Variants in PID1 observed in about 807,000 individuals in gnomAD.
PID1 encodes phosphotyrosine interaction domain containing 1, also known as PTB-containing, cubilin and LRP1-interacting protein.
In PID1, 10 loss-of-function variants were observed where a neutral mutation model predicts 19.1. That is an observed-to-expected ratio of 0.52 (90% CI 0.32 to 0.89). The LOEUF is 0.89. PID1 is among the 40% of genes least tolerant of loss of function. PID1 has a pLI of 0.03. For missense variants in PID1, 248 were observed against 285.3 expected (o/e 0.87, Z 0.94); for synonymous variants, 130 against 116.0 (o/e 1.12, Z -0.78).
At chr2:229,034,356 A>T (rs1266417077) in intron 2 of PID1, among the ~76,000 whole-genome samples, 1 of 152,206 alleles carries the variant, frequency 6.6e-6, no homozygotes, top group African/African-American at 2.4e-5. Flanking sequence ...ATTAATCCTC[A>T]TAATAATTCC....
intron 1 of PID1, among the ~76,000 whole-genome samples, chr2:229,199,810 CA>C (rs1402189995): frequency 1.3e-4 from 20 of 149,766 alleles, no homozygotes; most frequent in African/African-American, 4.7e-4. Context: ...CAATCTATCC[CA>C]ACAGTTTTCA....
intron 2 of PID1, among the ~76,000 whole-genome samples, chr2:229,030,006 C>T (rs932181808): frequency 2.0e-5 from 3 of 151,818 alleles, no homozygotes; most frequent in East Asian, 1.9e-4. Context: ...TCCAAGTGTC[C>T]GTTGATAGAT....
intron 2 of PID1, among the ~76,000 whole-genome samples, chr2:229,152,721 G>A (rs1332829711): frequency 6.6e-6 from 1 of 151,590 alleles, no homozygotes; most frequent in Non-Finnish European, 1.5e-5. Flanking sequence ...CCCGAAACAT[G>A]AATAGCCTAG....
At chr2:229,200,839 C>CATCCT (rs1691483965) in intron 1 of PID1, among the ~76,000 whole-genome samples, 1 of 152,062 alleles carries the variant, frequency 6.6e-6, no homozygotes, top group Non-Finnish European at 1.5e-5. Context: ...GTCAAATGAG[C>CATCCT]AGGTCACAAA....
intron 1 of PID1, among the ~76,000 whole-genome samples, chr2:229,239,684 C>T (rs922755803): frequency 2.6e-5 from 4 of 152,048 alleles, no homozygotes; most frequent in Non-Finnish European, 5.9e-5. Context: ...TTCAGAGCAG[C>T]GATGAAATTT....
chr2:229,133,641 C>T (rs1689790397), intron 2 of PID1, among the ~76,000 whole-genome samples: 1 of 152,134 alleles, frequency 6.6e-6, no homozygotes, highest in Non-Finnish European at 1.5e-5. Flanking sequence ...TCTTCATGCC[C>T]AATATCGACA....
At chr2:229,090,674 T>C (rs1171984564) in intron 2 of PID1, among the ~76,000 whole-genome samples, 2 of 152,244 alleles carry the variant, frequency 1.3e-5, no homozygotes, top group Non-Finnish European at 2.9e-5. Flanking sequence ...CCTAGTTGAT[T>C]CATGAATGCT....
At chr2:229,228,017 G>A (rs1041798588) in intron 1 of PID1, 4 of 455,784 alleles carry the variant, frequency 8.8e-6, no homozygotes, top group Non-Finnish European at 1.8e-5. Context: ...GATTCCCCAG[G>A]GATACTGAGG....
intron 2 of PID1, among the ~76,000 whole-genome samples, chr2:229,036,874 G>C (rs1693675374): frequency 6.6e-6 from 1 of 152,222 alleles, no homozygotes; most frequent in Non-Finnish European, 1.5e-5. Flanking sequence ...TCTGCCTAAT[G>C]TCTGCTTAGC....
At chr2:229,227,110 A>G (rs938584379) in intron 1 of PID1, among the ~76,000 whole-genome samples, 1 of 152,220 alleles carries the variant, frequency 6.6e-6, no homozygotes, top group Non-Finnish European at 1.5e-5. Flanking sequence ...TGATATTTTG[A>G]TTTTTTAATG....
chr2:229,056,347 G>A (rs1159157465), intron 2 of PID1, among the ~76,000 whole-genome samples: 1 of 152,074 alleles, frequency 6.6e-6, no homozygotes, highest in Non-Finnish European at 1.5e-5. Context: ...TTGTTATGCA[G>A]CAATATTGTG....
intron 1 of PID1, among the ~76,000 whole-genome samples, chr2:229,269,999 G>A (rs1237908699): frequency 6.6e-6 from 1 of 152,186 alleles, no homozygotes; most frequent in African/African-American, 2.4e-5. Flanking sequence ...CTGCATCTGA[G>A]AAACTGTGCT....
At chr2:229,088,715 A>G (rs1574619185) in intron 2 of PID1, among the ~76,000 whole-genome samples, 1 of 152,032 alleles carries the variant, frequency 6.6e-6, no homozygotes, top group Admixed American at 6.6e-5. Flanking sequence ...GTTGTGTCTC[A>G]TTGTCATAAA....
intron 2 of PID1, among the ~76,000 whole-genome samples, chr2:229,074,405 G>C (rs1218763017): frequency 6.6e-6 from 1 of 152,038 alleles, no homozygotes; most frequent in Admixed American, 6.6e-5. Flanking sequence ...ATGAGGAAAA[G>C]GGAAGAAGAG....
chr2:229,150,002 C>G (rs1690215849), intron 2 of PID1, among the ~76,000 whole-genome samples: 1 of 152,024 alleles, frequency 6.6e-6, no homozygotes, highest in African/African-American at 2.4e-5. Flanking sequence ...CTTTGGGAGG[C>G]CGAGGCGGGT....
At chr2:229,266,419 C>T (rs975619999) in intron 1 of PID1, among the ~76,000 whole-genome samples, 4 of 143,788 alleles carry the variant, frequency 2.8e-5, no homozygotes, top group African/African-American at 1.2e-4. Context: ...TAGGAGACAG[C>T]AGCTTATGTG....
chr2:229,107,781 T>C (rs1469703444), intron 2 of PID1, among the ~76,000 whole-genome samples: 4 of 152,218 alleles, frequency 2.6e-5, no homozygotes, highest in Non-Finnish European at 5.9e-5. Flanking sequence ...AAATGTGTTC[T>C]ATGGAACGGC....
chr2:229,152,079 C>T (rs1364361635), intron 2 of PID1, among the ~76,000 whole-genome samples: 1 of 152,188 alleles, frequency 6.6e-6, no homozygotes, highest in Non-Finnish European at 1.5e-5. Context: ...AGCAAATCCA[C>T]CAAATCCCAT....
intron 2 of PID1, among the ~76,000 whole-genome samples, chr2:229,067,775 A>G (rs759548369): frequency 1.3e-5 from 2 of 152,126 alleles, no homozygotes; most frequent in Non-Finnish European, 2.9e-5. Flanking sequence ...CCAAGATGTG[A>G]CCTCACACAA....
Sources: gnomAD v4.1 joint callset for allele counts (sites outside exome capture counted in the v4.1 genomes callset) on GRCh38, gnomAD v4.1.1 for gene constraint, MANE v1.5 for transcripts, NCBI Gene and HGNC (gene_info 2026-07-23, HGNC 2026-07-21) for gene names.